DLG2: variants seen among roughly 807,000 people sequenced by gnomAD.
DLG2 encodes disks large homolog 2.
In DLG2, 45 loss-of-function variants were observed where a neutral mutation model predicts 132.5. The observed-to-expected ratio is 0.34, with a 90% CI of 0.27 to 0.44. The LOEUF is 0.44. Ranked by LOEUF, DLG2 falls within the 20% of genes least tolerant of loss-of-function variation. The pLI is 1.00. For synonymous variants in DLG2, 424 were observed against 419.6 expected, an observed-to-expected ratio of 1.01 and a Z score of -0.13; for missense variants, 1,045 against 1,196.9, an observed-to-expected ratio of 0.87 and a Z score of 1.87.
At chr11:85,219,953 C>T (rs1035356707) in intron 4 of DLG2, among the ~76,000 whole-genome samples, 22 of 151,760 alleles carry the variant, frequency 1.4e-4, no homozygotes, top group African/African-American at 4.4e-4. Flanking sequence ...TTTATGAAAC[C>T]GAAACTTCCC....
chr11:83,638,365 G>T (rs1050647515), intron 18 of DLG2, among the ~76,000 whole-genome samples: 4 of 152,236 alleles, frequency 2.6e-5, no homozygotes, highest in Non-Finnish European at 5.9e-5. Context: ...ACATTACTGT[G>T]AAAGTTATTA....
At chr11:83,579,027 T>C (rs1349224981) in intron 19 of DLG2, among the ~76,000 whole-genome samples, 1 of 152,220 alleles carries the variant, frequency 6.6e-6, no homozygotes, top group Non-Finnish European at 1.5e-5. Flanking sequence ...GATTTTTCTC[T>C]GATATATGTG....
intron 3 of DLG2, among the ~76,000 whole-genome samples, chr11:85,415,474 C>A (rs184290028): frequency 1.3e-5 from 2 of 152,192 alleles, no homozygotes; most frequent in East Asian, 1.9e-4. Context: ...ACACTCCCAA[C>A]GACAGTGTAA....
At chr11:85,266,008 A>G (rs1362505165) in intron 4 of DLG2, among the ~76,000 whole-genome samples, 1 of 152,224 alleles carries the variant, frequency 6.6e-6, no homozygotes, top group Non-Finnish European at 1.5e-5. Context: ...GGGTACCCAA[A>G]AAGGCTGTCA....
intron 15 of DLG2, among the ~76,000 whole-genome samples, chr11:83,877,079 T>C (rs982847361): frequency 6.6e-6 from 1 of 152,160 alleles, no homozygotes; most frequent in Non-Finnish European, 1.5e-5. Flanking sequence ...TATTAGTTTC[T>C]TGATTTATGT....
intron 6 of DLG2, among the ~76,000 whole-genome samples, chr11:84,757,309 G>T (rs758059818): frequency 1.3e-4 from 20 of 151,754 alleles, no homozygotes; most frequent in Admixed American, 2.6e-4. Flanking sequence ...AAAAAAAAAG[G>T]ATTTTATCTT....
chr11:84,227,786 C>T lies in DLG2; in HGVS notation c.573+23452G>A, dbSNP rs558611663. 1.4e-3 allele frequency among the ~76,000 whole-genome samples: 218 copies of T among 152,034 alleles called. 1 individual carries two copies. Among genetic ancestry groups the T allele is most frequent in the African/African-American group, 4.8e-3 (199 of 41,482 alleles). On this transcript the variant is annotated intron_variant, in intron 8 of 27. Coordinates refer to ENST00000376104, the MANE Select transcript of DLG2 (RefSeq NM_001142699.3). ...AAAATTAGCTAGCTGTGGTGGTACA[C>T]GCCTGTACACCCAGCTGCTCAGGAG...
chr11:83,721,678 T>A (rs1236446643), intron 18 of DLG2, among the ~76,000 whole-genome samples: 1 of 152,240 alleles, frequency 6.6e-6, no homozygotes, highest in Admixed American at 6.5e-5. Flanking sequence ...AAAGTTATAA[T>A]GCTGTAAGTG....
chr11:83,485,678 G>A (rs1000048225), intron 21 of DLG2, among the ~76,000 whole-genome samples: 2 of 152,162 alleles, frequency 1.3e-5, no homozygotes, highest in African/African-American at 2.4e-5. Flanking sequence ...TTGGATGTGC[G>A]CTTTTGTCCC....
intron 13 of DLG2, among the ~76,000 whole-genome samples, chr11:83,964,161 A>G (rs2089638678): frequency 6.6e-6 from 1 of 151,976 alleles, no homozygotes; most frequent in African/African-American, 2.4e-5. Flanking sequence ...GGTTTATTAG[A>G]GTCGTTTTCT....
At chr11:83,572,845 T>A (rs2096821133) in intron 19 of DLG2, among the ~76,000 whole-genome samples, 1 of 152,112 alleles carries the variant, frequency 6.6e-6, no homozygotes, top group Non-Finnish European at 1.5e-5. Context: ...AGAGAATAAG[T>A]CCACTCCCTC....
chr11:84,944,303 C>T (rs930892223), intron 6 of DLG2, among the ~76,000 whole-genome samples: 1 of 152,118 alleles, frequency 6.6e-6, no homozygotes, highest in African/African-American at 2.4e-5. Context: ...GTTATTATCC[C>T]TTCAAATAAA....
At chr11:85,098,268 C>A (rs1005251432) in intron 6 of DLG2, among the ~76,000 whole-genome samples, 2 of 152,196 alleles carry the variant, frequency 1.3e-5, no homozygotes, top group Non-Finnish European at 2.9e-5. Flanking sequence ...AAGAATAAAA[C>A]CTAAGTACCT....
At chr11:85,522,250 C>T (rs1024792297) in intron 3 of DLG2, among the ~76,000 whole-genome samples, 4 of 152,190 alleles carry the variant, frequency 2.6e-5, no homozygotes, top group African/African-American at 7.2e-5. Context: ...TTGGCAGCTT[C>T]CACACAGTAT....
chr11:84,386,724 C>T (rs954451273), intron 7 of DLG2, among the ~76,000 whole-genome samples: 28 of 152,198 alleles, frequency 1.8e-4, no homozygotes, highest in African/African-American at 5.8e-4. Flanking sequence ...AACCTTGGAT[C>T]ACTCATGAGA....
chr11:83,621,316 G>A (rs1200254420), intron 19 of DLG2, among the ~76,000 whole-genome samples: 1 of 151,520 alleles, frequency 6.6e-6, no homozygotes, highest in African/African-American at 2.4e-5. Context: ...TACAAATCTT[G>A]CACCCTCTGA....
chr11:85,506,034 T>G (rs948808196), intron 3 of DLG2, among the ~76,000 whole-genome samples: 6 of 152,230 alleles, frequency 3.9e-5, no homozygotes, highest in Non-Finnish European at 8.8e-5. Context: ...TCTCTGATGG[T>G]AGTTTGTATT....
intron 6 of DLG2, among the ~76,000 whole-genome samples, chr11:85,017,062 T>G (rs1321034255): frequency 6.6e-6 from 1 of 152,138 alleles, no homozygotes; most frequent in Non-Finnish European, 1.5e-5. Context: ...AAGGGCAGAG[T>G]TGGGTAGTTG....
intron 15 of DLG2, among the ~76,000 whole-genome samples, chr11:83,894,673 A>T (rs1021505060): frequency 6.6e-6 from 1 of 152,130 alleles, no homozygotes; most frequent in African/African-American, 2.4e-5. Context: ...CTTCTCTTCT[A>T]CCTATTTTTA....
Sources: allele counts gnomAD v4.1 joint callset (sites outside exome capture counted in the v4.1 genomes callset), GRCh38; gene constraint gnomAD v4.1.1; transcripts MANE v1.5; gene names NCBI Gene and HGNC (gene_info 2026-07-23, HGNC 2026-07-21).